Variants in GPR39 observed in about 807,000 individuals in gnomAD.
The protein encoded by GPR39 is zinc sensing receptor.
Under a neutral mutation model 18.4 loss-of-function variants are expected in GPR39, and 23 were observed. The ratio of observed to expected loss-of-function variants is 1.25; its 90% CI spans 0.90 to 1.77. The LOEUF (loss-of-function observed/expected upper bound fraction) is 1.77. Among genes scored for constraint, GPR39 ranks in the 40% most tolerant of loss-of-function variants. GPR39 has a pLI of 0.00. For missense variants in GPR39, 647 were observed against 602.4 expected, an observed-to-expected ratio of 1.07 and a Z score of -0.78; for synonymous variants, 280 against 257.9, an observed-to-expected ratio of 1.09 and a Z score of -0.82.
chr2:132,479,395 A>G (rs2104788451), intron 1 of GPR39, among the ~76,000 whole-genome samples: 1 of 152,320 alleles, frequency 6.6e-6, no homozygotes, highest in East Asian at 1.9e-4. Context: ...TGAGCTGTAA[A>G]TATTTGCAGA....
intron 1 of GPR39, among the ~76,000 whole-genome samples, chr2:132,622,763 A>G (rs369730821): frequency 5.3e-5 from 8 of 152,346 alleles, no homozygotes; most frequent in African/African-American, 1.9e-4. Flanking sequence ...GCCACCCATC[A>G]TGTGATGCCA....
chr2:132,533,289 G>A (rs1487285370), intron 1 of GPR39, among the ~76,000 whole-genome samples: 1 of 151,952 alleles, frequency 6.6e-6, no homozygotes, highest in African/African-American at 2.4e-5. Flanking sequence ...AACTTACAAG[G>A]GATGTGAAGG....
intron 1 of GPR39, among the ~76,000 whole-genome samples, chr2:132,641,597 A>G (rs1040164427): frequency 1.3e-5 from 2 of 152,232 alleles, no homozygotes; most frequent in African/African-American, 4.8e-5. Flanking sequence ...AGTATTAAAA[A>G]ATGTAAGACA....
intron 1 of GPR39, among the ~76,000 whole-genome samples, chr2:132,583,224 T>G (rs1348342986): frequency 6.6e-6 from 1 of 152,154 alleles, no homozygotes; most frequent in African/African-American, 2.4e-5. Context: ...ACCTACTGTT[T>G]CATGAAATGT....
intron 1 of GPR39, among the ~76,000 whole-genome samples, chr2:132,476,396 G>A (rs575583244): frequency 2.0e-5 from 3 of 152,208 alleles, no homozygotes; most frequent in Non-Finnish European, 4.4e-5. Context: ...AGCACTTTGG[G>A]AGGCCGAGGT....
In GPR39 at chr2:132,619,531, C is replaced by T. The variant is rs76889206; in HGVS notation, c.857-25570C>T. On this transcript the variant is annotated intron_variant, in intron 1 of 1. Transcript: ENST00000329321. ...GAGGGAGCTCATGTTCAAACTATTT[C>T]TACCCAGTTGTGCTTCATTTCTATG... is the stretch of plus-strand genomic sequence containing the variant. Among the ~76,000 whole-genome samples the T allele has an allele frequency of 1.5e-3, 236 of 152,298 alleles. 2 individuals are homozygous for T. Among genetic ancestry groups the T allele is most frequent in the African/African-American group, 5.2e-3 (215 of 41,570 alleles).
chr2:132,504,124 C>G (rs917579699), intron 1 of GPR39, among the ~76,000 whole-genome samples: 2 of 152,254 alleles, frequency 1.3e-5, no homozygotes, highest in Non-Finnish European at 2.9e-5. Flanking sequence ...CTCAGCTTTC[C>G]TGGTATGTTC....
intron 1 of GPR39, among the ~76,000 whole-genome samples, chr2:132,487,233 A>G (rs1681359419): frequency 6.6e-6 from 1 of 152,224 alleles, no homozygotes; most frequent in Non-Finnish European, 1.5e-5. Flanking sequence ...ACAGATCACC[A>G]TAACAGATAT....
intron 1 of GPR39, chr2:132,488,644 G>A (rs1053057404): frequency 1.3e-5 from 2 of 152,404 alleles, no homozygotes; most frequent in African/African-American, 4.8e-5. Context: ...TGAGCATCAG[G>A]GCTGGTACTT....
rs1003182090 is a variant in GPR39, at chr2:132,489,932, T to A, written c.856+72034T>A. Reference sequence around the variant, plus strand: ...CCCTTTGGACACAGGCCCAGGAGCTTGCAGGCAGAGGATCAGCTCTGGGAG... The same window carrying A: ...CCCTTTGGACACAGGCCCAGGAGCTAGCAGGCAGAGGATCAGCTCTGGGAG... On this transcript the variant is annotated intron_variant, in intron 1 of 1. Coordinates refer to ENST00000329321, the MANE Select transcript of GPR39 (RefSeq NM_001508.3). Among the ~76,000 whole-genome samples, 4 of 151,842 alleles carry A rather than the reference T, an allele frequency of 2.6e-5. No homozygotes were observed. In the South Asian group the frequency reaches 8.3e-4, roughly 31 times the overall value.
rs72844718 is a variant in GPR39, at chr2:132,640,054, C to A, written c.857-5047C>A. ...AACCTCAGTTTGCTCATGTGTAAGA[C>A]AAGGGAGTTACAAGGCTGGTCTCAA... On this transcript the variant is annotated intron_variant, in intron 1 of 1. Coordinates refer to ENST00000329321, the MANE Select transcript of GPR39 (RefSeq NM_001508.3). Among the ~76,000 whole-genome samples, 1,520 of 152,254 alleles carry A rather than the reference C, an allele frequency of 1.0e-2. 13 individuals are homozygous for A. Among genetic ancestry groups the A allele is most frequent in the Non-Finnish European group, 0.017 (1,142 of 68,024 alleles).
chr2:132,439,952 T>C (rs550307377), intron 1 of GPR39, among the ~76,000 whole-genome samples: 1 of 152,316 alleles, frequency 6.6e-6, no homozygotes, highest in East Asian at 1.9e-4. Flanking sequence ...CCCATATTTG[T>C]CTACAAAGGG....
chr2:132,534,043 G>A lies in GPR39; in HGVS notation c.857-111058G>A, dbSNP rs542728041. ...TGCACAGCAAAAGAAACTATCATCA[G>A]TGTGAACAGACAACCTACAGAATGG... On this transcript the variant is annotated intron_variant, in intron 1 of 1. Transcript: ENST00000329321. Among the ~76,000 whole-genome samples the A allele has an allele frequency of 6.6e-5, 10 of 152,024 alleles. 1 individual carries two copies. The highest frequency in any genetic ancestry group is 2.4e-4 in the African/African-American group (10 of 41,516).
rs186322652 is a variant in GPR39 at position 132,465,328 on chromosome 2, A to G, written c.856+47430A>G. ...CTTCTAAACCAGGTGTCGTCCATCA[A>G]CCAGTCCTCTGGAGCCCAGGAACTC... On this transcript the variant is annotated intron_variant, in intron 1 of 1. Coordinates refer to ENST00000329321, the MANE Select transcript of GPR39 (RefSeq NM_001508.3). Among the ~76,000 whole-genome samples the G allele has an allele frequency of 7.2e-5, 11 of 152,330 alleles. No individual in the cohort carries two copies. In the East Asian group the frequency reaches 1.5e-3, roughly 21 times the overall value.
intron 1 of GPR39, among the ~76,000 whole-genome samples, chr2:132,575,740 C>T (rs1680518715): frequency 6.6e-6 from 1 of 152,228 alleles, no homozygotes; most frequent in African/African-American, 2.4e-5. Flanking sequence ...TTACCATCTA[C>T]AATTCCTCTT....
intron 1 of GPR39, among the ~76,000 whole-genome samples, chr2:132,540,489 T>C (rs1347118087): frequency 1.3e-5 from 2 of 152,206 alleles, no homozygotes; most frequent in African/African-American, 2.4e-5. Context: ...AACTGACTCC[T>C]ACTGGAGACC....
chr2:132,565,297 G>A (rs1486597143), intron 1 of GPR39, among the ~76,000 whole-genome samples: 4 of 151,894 alleles, frequency 2.6e-5, no homozygotes, highest in Non-Finnish European at 4.4e-5. Context: ...GTGAAACATC[G>A]CTCAAGTTGC....
chr2:132,629,324 C>G (rs902963944), intron 1 of GPR39, among the ~76,000 whole-genome samples: 4 of 152,180 alleles, frequency 2.6e-5, no homozygotes, highest in African/African-American at 9.7e-5. Context: ...TTCTGCACGT[C>G]CAACAAGCTC....
chr2:132,504,921 C>A (rs1025865601), intron 1 of GPR39, among the ~76,000 whole-genome samples: 4 of 152,156 alleles, frequency 2.6e-5, no homozygotes, highest in Non-Finnish European at 5.9e-5. Context: ...AGTTAGATTT[C>A]TTCAGCACAT....
Sources: gnomAD v4.1 joint callset for allele counts (sites outside exome capture counted in the v4.1 genomes callset) on GRCh38, gnomAD v4.1.1 for gene constraint, MANE v1.5 for transcripts, NCBI Gene and HGNC (gene_info 2026-07-23, HGNC 2026-07-21) for gene names.